GALNT1: variants seen among roughly 807,000 people sequenced by gnomAD.
GALNT1 encodes the protein polypeptide N-acetylgalactosaminyltransferase 1.
A neutral mutation model predicts 65.7 loss-of-function variants in GALNT1; 17 were observed. That is an observed-to-expected ratio of 0.26 (90% confidence interval 0.18 to 0.39). GALNT1 has a LOEUF of 0.39. GALNT1 is among the 10% of genes least tolerant of loss of function. GALNT1 has a pLI of 1.00. For missense variants in GALNT1, 460 were observed against 672.8 expected (o/e 0.68, Z 3.50); for synonymous variants, 210 against 219.7 (o/e 0.96, Z 0.39).
In GALNT1 at chr18:35,692,187, C is replaced by T. The variant is rs1173873090; in HGVS notation, c.1166C>T (p.Thr389Ile). Residue 389 changes from threonine (T) to isoleucine (I), a missense_variant, in exon 9 of 12, where the codon ACA (threonine) becomes ATA (isoleucine). Physicochemically the swap from Thr to Ile is moderately conservative, Grantham distance 89. Transcript: ENST00000269195. ...CAATTATTTCTTTCAACAGGTGTTA[C>T]AAAGGTAGATTATGGAGATATATCG... is the stretch of plus-strand genomic sequence containing the variant. ...NFFYIISPGVTKVDYGDISSR... is the reference protein window; with the variant it reads ...NFFYIISPGVIKVDYGDISSR... 2 of 1,605,878 alleles carry T rather than the reference C, an allele frequency of 1.2e-6. No individual in the cohort carries two copies. The highest frequency in any genetic ancestry group is 1.7e-6 in the Non-Finnish European group (2 of 1,176,468).
At chr18:35,703,091 C>G in intron 10 of GALNT1, 96 bp downstream of exon 10, 1 of 682,920 alleles carries the variant, frequency 1.5e-6, no homozygotes, top group Non-Finnish European at 2.4e-6. Flanking sequence ...AAATATTTTC[C>G]TTCCTTTAAA....
At chr18:35,621,463 A>T (rs1436704459) in intron 1 of GALNT1, among the ~76,000 whole-genome samples, 3 of 131,654 alleles carry the variant, frequency 2.3e-5, no homozygotes, top group Non-Finnish European at 3.3e-5. Context: ...CAATGCTAGG[A>T]TTATAGACAT....
intron 1 of GALNT1, among the ~76,000 whole-genome samples, chr18:35,622,496 CT>C (rs113585383): frequency 0.095 from 14,474 of 152,156 alleles, 822 homozygotes; most frequent in African/African-American, 0.17. Context: ...AAATAATACT[CT>C]TTGCCTCAGC....
chr18:35,642,941 A>G (rs1289693482), intron 1 of GALNT1, among the ~76,000 whole-genome samples: 1 of 151,942 alleles, frequency 6.6e-6, no homozygotes. Context: ...TTTGGCTGCA[A>G]GTGGCCTTCT....
At chr18:35,677,836 A>G (rs2047732224) in intron 4 of GALNT1, 79 bp downstream of exon 4, 1 of 1,039,592 alleles carries the variant, frequency 9.6e-7, no homozygotes, top group Non-Finnish European at 1.3e-6. Flanking sequence ...ATAATTTTTA[A>G]CCTAATAATT....
At chr18:35,614,928 T>A (rs770257531) in intron 1 of GALNT1, among the ~76,000 whole-genome samples, 1 of 151,994 alleles carries the variant, frequency 6.6e-6, no homozygotes, top group African/African-American at 2.4e-5. Context: ...AATAGAAAGG[T>A]ATAGAAATAT....
At chr18:35,583,681 C>G (rs1211910923) in intron 1 of GALNT1, among the ~76,000 whole-genome samples, 2 of 152,062 alleles carry the variant, frequency 1.3e-5, no homozygotes, top group South Asian at 2.1e-4. Context: ...AGTGACAGCG[C>G]GAGACCCTGT....
At chr18:35,615,659 A>G (rs2046774854) in intron 1 of GALNT1, among the ~76,000 whole-genome samples, 1 of 152,224 alleles carries the variant, frequency 6.6e-6, no homozygotes, top group Non-Finnish European at 1.5e-5. Context: ...TACAAAGGAT[A>G]AGGATTTTTA....
rs550018667 is a variant in GALNT1 at position 35,685,763 on chromosome 18, C to T, written c.690-1253C>T. ...AAGAATTTAGCAATGTTGCCAAACACGAGATTACTATAGAAAAGTTCAGGC... is the reference window on the plus strand; with the variant it reads ...AAGAATTTAGCAATGTTGCCAAACATGAGATTACTATAGAAAAGTTCAGGC... On this transcript the variant is annotated intron_variant, in intron 5 of 11. Coordinates refer to ENST00000269195, the MANE Select transcript of GALNT1 (RefSeq NM_020474.4). Among the ~76,000 whole-genome samples, 17 of 152,240 alleles carry T rather than the reference C, an allele frequency of 1.1e-4. 1 individual carries two copies. In the South Asian group the frequency reaches 3.5e-3, roughly 32 times the overall value.
chr18:35,606,484 A>G (rs1035150365), intron 1 of GALNT1, among the ~76,000 whole-genome samples: 1 of 152,118 alleles, frequency 6.6e-6, no homozygotes, highest in Non-Finnish European at 1.5e-5. Flanking sequence ...AGTTATCCTC[A>G]TTATTTTCTT....
At chr18:35,632,715 TA>T (rs906329010) in intron 1 of GALNT1, among the ~76,000 whole-genome samples, 4 of 152,102 alleles carry the variant, frequency 2.6e-5, no homozygotes, top group African/African-American at 7.2e-5. Context: ...CTCATTAAAC[TA>T]AAGAGCTTCT....
chr18:35,601,294 T>TTTTTC (rs2046579048), intron 1 of GALNT1, among the ~76,000 whole-genome samples: 1 of 152,092 alleles, frequency 6.6e-6, no homozygotes, highest in Admixed American at 6.5e-5. Context: ...TAATGTCTTG[T>TTTTTC]TTTTCAGTTT....
intron 2 of GALNT1, among the ~76,000 whole-genome samples, chr18:35,662,944 A>G (rs1030994941): frequency 2.0e-5 from 3 of 152,226 alleles, no homozygotes; most frequent in African/African-American, 7.2e-5. Flanking sequence ...GGAGGGGTAC[A>G]TAAGACAGGT....
chr18:35,667,795 T>C (rs1425680802), intron 3 of GALNT1, among the ~76,000 whole-genome samples: 5 of 152,216 alleles, frequency 3.3e-5, no homozygotes, highest in Non-Finnish European at 7.3e-5. Flanking sequence ...GTCCTGTGAA[T>C]TGGTAGTTAG....
intron 1 of GALNT1, among the ~76,000 whole-genome samples, chr18:35,651,184 A>G (rs903831545): frequency 6.6e-6 from 1 of 152,108 alleles, no homozygotes; most frequent in African/African-American, 2.4e-5. Context: ...CAAATGTGAA[A>G]TTCCTTTTCA....
chr18:35,605,204 A>T (rs2046630716), intron 1 of GALNT1, among the ~76,000 whole-genome samples: 1 of 152,136 alleles, frequency 6.6e-6, no homozygotes, highest in South Asian at 2.1e-4. Context: ...GTCTTTTAAC[A>T]GTGTTTTAGA....
chr18:35,694,297 T>A (rs547660488), intron 9 of GALNT1, among the ~76,000 whole-genome samples: 1 of 152,006 alleles, frequency 6.6e-6, no homozygotes, highest in African/African-American at 2.4e-5. Flanking sequence ...CTTAAAGGGG[T>A]TTTTATTTCT....
intron 1 of GALNT1, among the ~76,000 whole-genome samples, chr18:35,621,608 T>C (rs995808774): frequency 1.3e-5 from 2 of 152,198 alleles, no homozygotes; most frequent in African/African-American, 4.8e-5. Context: ...ATGATGTCTT[T>C]GGTTATATCA....
chr18:35,619,292 T>C (rs1311062737), intron 1 of GALNT1, among the ~76,000 whole-genome samples: 2 of 152,196 alleles, frequency 1.3e-5, no homozygotes, highest in African/African-American at 4.8e-5. Flanking sequence ...TTTGTTCTGT[T>C]GAGCAAATCT....
Sources: allele counts gnomAD v4.1 joint callset (sites outside exome capture counted in the v4.1 genomes callset), GRCh38; gene constraint gnomAD v4.1.1; transcripts MANE v1.5; gene names NCBI Gene and HGNC (gene_info 2026-07-23, HGNC 2026-07-21).